The following RORA variants were observed in gnomAD, a reference collection of about 807,000 sequenced individuals.
RORA encodes the protein nuclear receptor ROR-alpha.
RORA carries 7 observed loss-of-function variants against 69.5 expected under a neutral mutation model. The observed-to-expected ratio is 0.10, with a 90% confidence interval of 0.06 to 0.19. The LOEUF is 0.19. RORA is among the 10% of genes least tolerant of loss of function. RORA has a pLI of 1.00. For missense variants in RORA, 457 were observed against 663.0 expected (o/e 0.69, Z 3.41); for synonymous variants, 261 against 240.8 (o/e 1.08, Z -0.78).
At chr15:60,566,781 A>G (rs962462576) in intron 2 of RORA, among the ~76,000 whole-genome samples, 2 of 152,152 alleles carry the variant, frequency 1.3e-5, no homozygotes, top group Non-Finnish European at 1.5e-5. Context: ...AAAGCCAAGG[A>G]GAGGTCCCAG....
rs928757094 is a variant in RORA, at chr15:61,215,897, G to A, written c.166+13156C>T. Among the ~76,000 whole-genome samples the A allele has an allele frequency of 2.6e-5, 4 of 152,070 alleles. No homozygotes were observed. The East Asian group carries it at 7.7e-4, about 29-fold the overall frequency. On this transcript the variant is annotated intron_variant, in intron 1 of 10. Coordinates refer to ENST00000335670, the MANE Select transcript of RORA (RefSeq NM_134261.3). ...TAATGGTGTAATTCACTTTACAATGGCACTATTATTACAGCATTACTCTAT... is the reference window on the plus strand; with the variant it reads ...TAATGGTGTAATTCACTTTACAATGACACTATTATTACAGCATTACTCTAT...
At chr15:60,888,451 C>A (rs113660652) in intron 1 of RORA, among the ~76,000 whole-genome samples, 1 of 152,184 alleles carries the variant, frequency 6.6e-6, no homozygotes, top group African/African-American at 2.4e-5. Flanking sequence ...AGGAAGATTA[C>A]GTGTGCACAT....
At chr15:61,003,399 G>C (rs1224649269) in intron 1 of RORA, among the ~76,000 whole-genome samples, 11 of 152,234 alleles carry the variant, frequency 7.2e-5, no homozygotes, top group Admixed American at 7.2e-4. Context: ...ACAATGGCTA[G>C]AGACCAAACA....
At chr15:60,952,383 G>C (rs1893136039) in intron 1 of RORA, among the ~76,000 whole-genome samples, 1 of 152,124 alleles carries the variant, frequency 6.6e-6, no homozygotes, top group African/African-American at 2.4e-5. Context: ...ACTGGCACAA[G>C]ACAGGGATGC....
At chr15:60,790,333 C>T (rs2072397334) in intron 1 of RORA, among the ~76,000 whole-genome samples, 1 of 152,204 alleles carries the variant, frequency 6.6e-6, no homozygotes, top group Non-Finnish European at 1.5e-5. Context: ...TTTTCGAAGA[C>T]TACACTTTGA....
At chr15:60,655,992 T>C (rs1161677046) in intron 2 of RORA, among the ~76,000 whole-genome samples, 2 of 152,228 alleles carry the variant, frequency 1.3e-5, no homozygotes, top group East Asian at 3.8e-4. Context: ...TGGATTCTTT[T>C]TGATGTATTA....
chr15:61,190,854 T>C (rs2079792282), intron 1 of RORA, among the ~76,000 whole-genome samples: 1 of 152,262 alleles, frequency 6.6e-6, no homozygotes, highest in East Asian at 1.9e-4. Flanking sequence ...TATGGTTTTA[T>C]ATATATTTAT....
intron 1 of RORA, among the ~76,000 whole-genome samples, chr15:60,916,164 T>C (rs1891867421): frequency 6.6e-6 from 1 of 152,222 alleles, no homozygotes; most frequent in African/African-American, 2.4e-5. Flanking sequence ...CCCAGGGCTG[T>C]TCCTGTATGT....
rs1447605825 is a variant in RORA, at chr15:60,542,722, GCACACAGGCACACCTCAAACGA to G, written c.197-10893_197-10872del. ...CACACGGGCACACCTCCCACACACG[GCACACAGGCACACCTCAAACGA>G]CACACGGGCACACCTCACACACAAG... is the stretch of plus-strand genomic sequence containing the variant. On this transcript the variant is annotated intron_variant, in intron 2 of 10. Transcript: ENST00000335670. Among the ~76,000 whole-genome samples the G allele has an allele frequency of 4.3e-3, 611 of 141,958 alleles. 1 individual carries two copies. The highest frequency in any genetic ancestry group is 0.017 in the African/African-American group (592 of 33,902). 93.1% of individuals were successfully genotyped at this position (141,958 alleles called of 152,430 possible).
At chr15:61,125,732 CA>C (rs1480126166) in intron 1 of RORA, among the ~76,000 whole-genome samples, 2 of 152,270 alleles carry the variant, frequency 1.3e-5, no homozygotes, top group East Asian at 3.9e-4. Flanking sequence ...CTCCCAGTTC[CA>C]AATCAGAAGG....
chr15:60,860,054 C>T (rs918153573), intron 1 of RORA, among the ~76,000 whole-genome samples: 2 of 152,286 alleles, frequency 1.3e-5, no homozygotes, highest in East Asian at 3.9e-4. Context: ...GACACTTCAT[C>T]GAATGTGGCT....
At chr15:60,597,577 CATATATATATATATATACACATATAT>C (rs1567115358) in intron 2 of RORA, among the ~76,000 whole-genome samples, 1 of 25,304 alleles carries the variant, frequency 4.0e-5, no homozygotes, top group Non-Finnish European at 6.7e-5. Context: ...TATATATACA[CATATATATATATATATACACATATAT>C]ATATATATAT....
Position 60,998,052 on chromosome 15 carries a change from C to T in RORA, c.166+231001G>A, listed in dbSNP as rs76437176. On this transcript the variant is annotated intron_variant, in intron 1 of 10. Transcript: ENST00000335670. ...GCACAACTGAATCCACTCTAGAGAC[C>T]AATAGGTGTGGCTCAACCATAGCTT... Among the ~76,000 whole-genome samples, 418 of 152,312 alleles carry T rather than the reference C, an allele frequency of 2.7e-3. 1 individual carries two copies. The highest frequency in any genetic ancestry group is 9.2e-3 in the African/African-American group (382 of 41,560).
intron 1 of RORA, among the ~76,000 whole-genome samples, chr15:61,077,415 T>C (rs924715920): frequency 5.3e-5 from 8 of 152,204 alleles, no homozygotes; most frequent in African/African-American, 1.9e-4. Flanking sequence ...TCCAGATAAA[T>C]GATTACATCT....
Position 61,086,584 on chromosome 15 carries a change from T to C in RORA, c.166+142469A>G, listed in dbSNP as rs993468694. 7.6e-4 allele frequency among the ~76,000 whole-genome samples: 115 copies of C among 152,224 alleles called. 1 individual carries two copies. The highest frequency in any genetic ancestry group is 2.7e-3 in the African/African-American group (111 of 41,550). On this transcript the variant is annotated intron_variant, in intron 1 of 10. Transcript: ENST00000335670. ...GCACAGGGACAAATAAAATTTTGAG[T>C]CAAAATTTTACTCTTTAACTTAAAA...
intron 1 of RORA, among the ~76,000 whole-genome samples, chr15:60,904,683 C>T (rs1891482192): frequency 6.6e-6 from 1 of 152,170 alleles, no homozygotes; most frequent in Non-Finnish European, 1.5e-5. Flanking sequence ...CACTTTGGGG[C>T]TCAAACTACT....
At chr15:60,998,597 C>T (rs1894642350) in intron 1 of RORA, among the ~76,000 whole-genome samples, 1 of 152,156 alleles carries the variant, frequency 6.6e-6, no homozygotes. Flanking sequence ...CAGGGTTTCA[C>T]CATGTTAGCT....
chr15:60,924,235 C>T (rs1407652063), intron 1 of RORA, among the ~76,000 whole-genome samples: 1 of 151,556 alleles, frequency 6.6e-6, no homozygotes, highest in Non-Finnish European at 1.5e-5. Context: ...AATATAGGTG[C>T]TGGGAGAACG....
intron 1 of RORA, among the ~76,000 whole-genome samples, chr15:61,224,653 G>C (rs183562784): frequency 6.6e-6 from 1 of 152,326 alleles, no homozygotes; most frequent in African/African-American, 2.4e-5. Context: ...AAGAACCCAT[G>C]GGCTTGTCTC....
Sources: gnomAD v4.1 joint callset for allele counts (sites outside exome capture counted in the v4.1 genomes callset) on GRCh38, gnomAD v4.1.1 for gene constraint, MANE v1.5 for transcripts, NCBI Gene and HGNC (gene_info 2026-07-23, HGNC 2026-07-21) for gene names.